Variants in THEMIS observed in about 807,000 individuals in gnomAD.
THEMIS encodes thymocyte selection associated, also known as protein THEMIS.
In THEMIS, 37 loss-of-function variants were observed where a neutral mutation model predicts 52.6. The observed-to-expected ratio is 0.70, with a 90% CI of 0.54 to 0.93. The LOEUF is 0.93. Ranked by LOEUF, THEMIS falls within the 40% of genes least tolerant of loss-of-function variation. The pLI, the probability that THEMIS is intolerant of heterozygous loss-of-function variation, is 0.00. For synonymous variants in THEMIS, 292 were observed against 272.7 expected (o/e 1.07, Z -0.70); for missense variants, 808 against 763.1 (o/e 1.06, Z -0.69).
chr6:127,797,662 A>G (rs1294465529), intron 4 of THEMIS, among the ~76,000 whole-genome samples: 1 of 152,174 alleles, frequency 6.6e-6, no homozygotes, highest in Non-Finnish European at 1.5e-5. Context: ...AGTGAGGGAG[A>G]AGAACCCAAC....
intron 3 of THEMIS, among the ~76,000 whole-genome samples, chr6:127,815,913 T>C (rs1184992653): frequency 1.3e-5 from 2 of 152,194 alleles, no homozygotes; most frequent in African/African-American, 4.8e-5. Context: ...TCTGTCTTTG[T>C]ACATGGTGGG....
chr6:127,735,308 G>T (rs1774965867), intron 4 of THEMIS, among the ~76,000 whole-genome samples: 1 of 147,162 alleles, frequency 6.8e-6, no homozygotes, highest in Non-Finnish European at 1.5e-5. Context: ...TACAAATAGG[G>T]GCGTGTGTGC....
intron 1 of THEMIS, among the ~76,000 whole-genome samples, chr6:127,860,333 T>C (rs994552261): frequency 2.0e-5 from 3 of 152,126 alleles, no homozygotes; most frequent in African/African-American, 7.2e-5. Flanking sequence ...ACACTAGATA[T>C]AGCACTAAAG....
intron 1 of THEMIS, among the ~76,000 whole-genome samples, chr6:127,865,226 C>T (rs1230162895): frequency 2.6e-5 from 4 of 152,094 alleles, no homozygotes; most frequent in Non-Finnish European, 5.9e-5. Flanking sequence ...AACAGACATC[C>T]ACCAAAAATC....
chr6:127,826,188 A>G (rs1376991024), intron 3 of THEMIS, among the ~76,000 whole-genome samples: 1 of 152,188 alleles, frequency 6.6e-6, no homozygotes, highest in Non-Finnish European at 1.5e-5. Context: ...TTACCTCAGA[A>G]GAGCAGAATA....
intron 5 of THEMIS, 114 bp downstream of exon 5, chr6:127,719,574 T>G (rs1385453805): frequency 1.1e-6 from 1 of 952,176 alleles, no homozygotes; most frequent in African/African-American, 1.7e-5. Flanking sequence ...GGGTGATCAC[T>G]TGGGCTGAGT....
intron 4 of THEMIS, among the ~76,000 whole-genome samples, chr6:127,724,289 T>C (rs1372277904): frequency 1.3e-5 from 2 of 152,140 alleles, no homozygotes; most frequent in African/African-American, 4.8e-5. Context: ...TCAAATTACA[T>C]TGGTCATCTA....
chr6:127,816,269 C>T (rs1407237678), intron 3 of THEMIS, among the ~76,000 whole-genome samples: 3 of 141,534 alleles, frequency 2.1e-5, no homozygotes, highest in African/African-American at 7.9e-5. Context: ...TTCTCTTTTT[C>T]CCTCTATCTA....
Position 127,875,331 on chromosome 6 carries a change from C to G in THEMIS, c.92-20143G>C, listed in dbSNP as rs185426584. On this transcript the variant is annotated intron_variant, in intron 1 of 5. Coordinates refer to ENST00000368248, the MANE Select transcript of THEMIS (RefSeq NM_001010923.3). ...TTTTGACACCAGTGACAGAGAAAGT[C>G]TTTGTCAAACACAGAAGCATGTGCA... 1.4e-4 allele frequency among the ~76,000 whole-genome samples: 21 copies of G among 152,300 alleles called. No homozygotes were observed. The East Asian group carries it at 2.9e-3, about 21-fold the overall frequency.
chr6:127,794,178 A>T (rs1405728842), intron 4 of THEMIS, among the ~76,000 whole-genome samples: 1 of 152,198 alleles, frequency 6.6e-6, no homozygotes, highest in East Asian at 1.9e-4. Flanking sequence ...ACCATTTCTT[A>T]TTATCTCCAT....
At chr6:127,868,715 A>G (rs1278984003) in intron 1 of THEMIS, among the ~76,000 whole-genome samples, 1 of 152,084 alleles carries the variant, frequency 6.6e-6, no homozygotes, top group African/African-American at 2.4e-5. Context: ...GTTCAGGAGC[A>G]CTCTTAATGG....
intron 4 of THEMIS, among the ~76,000 whole-genome samples, chr6:127,777,620 A>G (rs1776608706): frequency 1.3e-5 from 2 of 152,300 alleles, no homozygotes; most frequent in Non-Finnish European, 2.9e-5. Context: ...TAGACTATGG[A>G]AACTATTTTT....
chr6:127,718,677 T>C (rs1774254884), intron 5 of THEMIS, among the ~76,000 whole-genome samples: 1 of 151,996 alleles, frequency 6.6e-6, no homozygotes, highest in African/African-American at 2.4e-5. Context: ...GCAGTGGTTG[T>C]TTCTTTTATA....
chr6:127,766,942 G>A (rs1776220040), intron 4 of THEMIS, among the ~76,000 whole-genome samples: 1 of 151,922 alleles, frequency 6.6e-6, no homozygotes, highest in Non-Finnish European at 1.5e-5. Context: ...TACATTCAGT[G>A]TATTAAAAAA....
chr6:127,856,951 T>G (rs922102890), intron 1 of THEMIS, among the ~76,000 whole-genome samples: 32 of 152,104 alleles, frequency 2.1e-4, no homozygotes, highest in African/African-American at 7.5e-4. Flanking sequence ...TAATTTTTTA[T>G]GAGTTTCAGT....
intron 4 of THEMIS, among the ~76,000 whole-genome samples, chr6:127,751,912 C>T (rs1396295170): frequency 6.6e-6 from 1 of 151,652 alleles, no homozygotes. Context: ...CACAATCACA[C>T]ATGTATCATT....
chr6:127,808,762 A>AT (rs893989967), intron 4 of THEMIS, among the ~76,000 whole-genome samples: 19 of 151,160 alleles, frequency 1.3e-4, no homozygotes, highest in East Asian at 3.9e-4. Context: ...ACACCAATCT[A>AT]TTTTTTTTTC....
At chr6:127,840,698 T>C (rs751890440) in intron 2 of THEMIS, among the ~76,000 whole-genome samples, 30 of 152,098 alleles carry the variant, frequency 2.0e-4, no homozygotes, top group Non-Finnish European at 3.8e-4. Context: ...TTGGAAGTAA[T>C]AACTATGCCC....
intron 4 of THEMIS, among the ~76,000 whole-genome samples, chr6:127,798,853 G>T (rs984373519): frequency 3.3e-5 from 5 of 151,636 alleles, no homozygotes; most frequent in Non-Finnish European, 7.4e-5. Flanking sequence ...TTAGCTGGGC[G>T]TGGTGGCGGG....
Sources: gnomAD v4.1 joint callset for allele counts (sites outside exome capture counted in the v4.1 genomes callset) on GRCh38, gnomAD v4.1.1 for gene constraint, MANE v1.5 for transcripts, NCBI Gene and HGNC (gene_info 2026-07-23, HGNC 2026-07-21) for gene names.